IFT140: variants seen among roughly 807,000 people sequenced by gnomAD.
IFT140 encodes intraflagellar transport protein 140 homolog.
Under a neutral mutation model 164.6 loss-of-function variants are expected in IFT140, and 133 were observed. The observed-to-expected ratio is 0.81, with a 90% CI of 0.70 to 0.93. The LOEUF (loss-of-function observed/expected upper bound fraction) is 0.93, where lower values mean the gene tolerates loss of function less well. Among genes scored for constraint, IFT140 ranks in the 40% least tolerant of loss-of-function variants. IFT140 has a pLI of 0.00. For missense variants in IFT140, 2,045 were observed against 1,972.3 expected (o/e 1.04, Z -0.70); for synonymous variants, 860 against 817.3 (o/e 1.05, Z -0.89).
At chr16:1,586,298 T>A (rs373201557) in intron 9 of IFT140, 23 bp from the exon 10 acceptor site, 2 of 1,600,466 alleles carry the variant, frequency 1.2e-6, no homozygotes. Flanking sequence ...ACAAACTGCA[T>A]GTGAACAGAG....
At position 1,580,812 on chromosome 16, in the gene IFT140, C is replaced by A; in HGVS notation, c.1471G>T (p.Glu491Ter). ...LCETPVLAMH[E>*]ENVYTVESNR... ...GACTCCACCGTGTAAACGTTTTCTT[C>A]ATGCATTGCTAACACAGGCGTCTCA... is the stretch of plus-strand genomic sequence containing the variant. Residue 491 changes from glutamate to a stop codon, truncating the protein, a stop_gained, in exon 13 of 31, where the codon GAA (glutamate) becomes TAA (stop). Transcript: ENST00000426508. LOFTEE classifies it high-confidence loss of function. The A allele has an allele frequency of 6.2e-7, 1 of 1,613,962 alleles. No homozygotes were observed. Among genetic ancestry groups the A allele is most frequent in the Non-Finnish European group, 8.5e-7 (1 of 1,179,914 alleles).
intron 13 of IFT140, among the ~76,000 whole-genome samples, chr16:1,574,238 GGGC>G (rs1596390406): frequency 1.3e-5 from 2 of 152,108 alleles, no homozygotes; most frequent in African/African-American, 4.8e-5. Context: ...TGAGTTTTCT[GGGC>G]AGCTGCCTTT....
intron 19 of IFT140, chr16:1,541,176 A>G: frequency 1.0e-6 from 1 of 985,438 alleles, no homozygotes. Flanking sequence ...GGTGGGGGAC[A>G]GAGAAGGCTG....
chr16:1,528,082 G>T, intron 19 of IFT140, among the ~76,000 whole-genome samples: 1 of 152,180 alleles, frequency 6.6e-6, no homozygotes, highest in East Asian at 1.9e-4. Flanking sequence ...CTGGGCGGGA[G>T]GTGGGTCCAA....
In IFT140 at chr16:1,564,711, A is replaced by G. The variant is rs2033618130; in HGVS notation, c.1902-549T>C. On this transcript the variant is annotated intron_variant, in intron 16 of 30. Coordinates refer to ENST00000426508, the MANE Select transcript of IFT140 (RefSeq NM_014714.4). The surrounding 1 kb of genome is among the most constrained non-coding windows in gnomAD (Gnocchi z 5.5). Reference sequence around the variant, plus strand: ...GACGACACACAAGGTTTCAAGAGAGAGCAGGTGCCCAAGGTGAGGAGGCCT... The same window carrying G: ...GACGACACACAAGGTTTCAAGAGAGGGCAGGTGCCCAAGGTGAGGAGGCCT... 6.6e-6 allele frequency among the ~76,000 whole-genome samples: 1 copy of G among 151,818 alleles called. No individual in the cohort carries two copies. The highest frequency in any genetic ancestry group is 1.5e-5 in the Non-Finnish European group (1 of 68,034).
chr16:1,554,703 T>C, intron 19 of IFT140: 1 of 1,575,710 alleles, frequency 6.3e-7, no homozygotes, highest in Non-Finnish European at 8.6e-7. Flanking sequence ...TGGAACCTGC[T>C]CTAGGACAGA....
chr16:1,609,151 T>TA (rs201785316), intron 2 of IFT140, among the ~76,000 whole-genome samples: 87 of 149,088 alleles, frequency 5.8e-4, no homozygotes, highest in African/African-American at 1.9e-3. Context: ...CAAAACTGTT[T>TA]AAAAAAAAAA....
chr16:1,544,194 T>C (rs1402786953), intron 19 of IFT140, among the ~76,000 whole-genome samples: 2 of 151,358 alleles, frequency 1.3e-5, no homozygotes, highest in Non-Finnish European at 3.0e-5. Context: ...ATTTTTTTTT[T>C]TTTTTTTGAG....
Position 1,610,152 on chromosome 16 carries a change from CG to C in IFT140, c.-32+511del, listed in dbSNP as rs144308897. On this transcript the variant is annotated intron_variant, in intron 2 of 30. Transcript: ENST00000426508. ...CGGTGGACTCTCGGGGACAGGCACC[CG>C]GGGCCACCCTACAAAGCCTCGCCCT... 4.0e-3 allele frequency: 613 copies of C among 154,944 alleles called. 37 individuals carry two copies. The East Asian group carries it at 0.11, about 28-fold the overall frequency. The allele number at this position is 154,944 out of a possible 1,614,324, so 9.6% of individuals were successfully genotyped here. A position where few individuals can be genotyped will look rare whatever the true frequency, so the allele number is the denominator to read the frequency against.
chr16:1,558,172 T>C, intron 18 of IFT140, 38 bp from the exon 19 acceptor site: 2 of 1,607,532 alleles, frequency 1.2e-6, no homozygotes, highest in South Asian at 1.1e-5. Flanking sequence ...TTAATTCATA[T>C]GTAAAGCTGA....
chr16:1,592,410 T>C, intron 5 of IFT140, 57 bp downstream of exon 5: 1 of 1,610,856 alleles, frequency 6.2e-7, no homozygotes, highest in Non-Finnish European at 8.5e-7. Context: ...GCAGCCCGCT[T>C]CCCACCTCCC....
At chr16:1,582,410 T>C (rs1477598708) in intron 12 of IFT140, among the ~76,000 whole-genome samples, 2 of 152,220 alleles carry the variant, frequency 1.3e-5, no homozygotes, top group Admixed American at 6.5e-5. Flanking sequence ...GGTTCTCCCC[T>C]GGGGCTGCAG....
intron 30 of IFT140, among the ~76,000 whole-genome samples, chr16:1,516,613 CAAA>C (rs925237337): frequency 1.3e-4 from 19 of 151,376 alleles, no homozygotes; most frequent in African/African-American, 4.4e-4. Flanking sequence ...ACTAAAAATA[CAAA>C]AAAATTATCT....
intron 26 of IFT140, among the ~76,000 whole-genome samples, chr16:1,521,893 A>G (rs187524150): frequency 6.8e-6 from 1 of 147,240 alleles, no homozygotes; most frequent in East Asian, 2.0e-4. Flanking sequence ...ACAAATATAT[A>G]TGAAGTAATA....
At chr16:1,511,839 G>A (rs1332621663) in intron 30 of IFT140, among the ~76,000 whole-genome samples, 1 of 151,966 alleles carries the variant, frequency 6.6e-6, no homozygotes, top group Non-Finnish European at 1.5e-5. Context: ...GGGGACACAG[G>A]ACGTAAGGGC....
At chr16:1,538,997 G>T (rs1299979373) in intron 19 of IFT140, among the ~76,000 whole-genome samples, 1 of 147,042 alleles carries the variant, frequency 6.8e-6, no homozygotes, top group Non-Finnish European at 1.5e-5. Flanking sequence ...CAAGCTGCAC[G>T]GTGCCACGCG....
Position 1,587,287 on chromosome 16 carries a change from C to A in IFT140, c.920G>T (p.Arg307Leu). 6.2e-7 allele frequency: 1 copy of A among 1,610,636 alleles called. No homozygotes were observed. The highest frequency in any genetic ancestry group is 8.5e-7 in the Non-Finnish European group (1 of 1,176,940). The change falls in exon 9 of 31, where the codon CGA (arginine) becomes CTA (leucine). Residue 307 changes from arginine to leucine, a missense_variant. By Grantham distance (102) the Arg-to-Leu change is moderately radical. Coordinates refer to ENST00000426508, the MANE Select transcript of IFT140 (RefSeq NM_014714.4). ...TGGACTCAGTATATAATTCTCTCCT[C>A]GTTCTATGTCCCAGAATCTACAACA... ...EAALRFWDIE[R>L]GENYILSPDE...
intron 14 of IFT140, among the ~76,000 whole-genome samples, chr16:1,571,060 A>G (rs531093083): frequency 1.3e-5 from 2 of 152,296 alleles, no homozygotes; most frequent in Non-Finnish European, 2.9e-5. Flanking sequence ...CCCAGCCTGA[A>G]TGATTTTTTA....
intron 12 of IFT140, among the ~76,000 whole-genome samples, chr16:1,581,973 G>A (rs2034595297): frequency 6.6e-6 from 1 of 152,134 alleles, no homozygotes; most frequent in East Asian, 1.9e-4. Context: ...GGATGTGCCT[G>A]AAGAGGTGGG....
Sources: allele counts gnomAD v4.1 joint callset (sites outside exome capture counted in the v4.1 genomes callset), GRCh38; gene constraint gnomAD v4.1.1; non-coding constraint Gnocchi (gnomAD v3.1); transcripts MANE v1.5; gene names NCBI Gene and HGNC (gene_info 2026-07-23, HGNC 2026-07-21).